The following SENP7 variants were observed in gnomAD, a reference collection of about 807,000 sequenced individuals.
SENP7 encodes the protein sentrin-specific protease 7.
A neutral mutation model predicts 141.2 loss-of-function variants in SENP7; 64 were observed. That is an observed-to-expected ratio of 0.45 (90% CI 0.37 to 0.56). The LOEUF is 0.56. Among genes scored for constraint, SENP7 ranks in the 20% least tolerant of loss-of-function variants. SENP7 has a pLI of 0.00. For synonymous variants in SENP7, 382 were observed against 426.4 expected (o/e 0.90, Z 1.28); for missense variants, 1,025 against 1,212.2 (o/e 0.85, Z 2.29).
chr3:101,412,086 T>C (rs1307441004), intron 5 of SENP7, among the ~76,000 whole-genome samples: 2 of 152,152 alleles, frequency 1.3e-5, no homozygotes, highest in East Asian at 3.8e-4. Flanking sequence ...TCTGAGGAAC[T>C]AGAAAGAGCT....
intron 3 of SENP7, among the ~76,000 whole-genome samples, chr3:101,485,138 T>TG (rs2064673734): frequency 6.6e-6 from 1 of 151,934 alleles, no homozygotes; most frequent in East Asian, 1.9e-4. Context: ...CAGACACGCC[T>TG]AGCCCCACCT....
Position 101,513,173 on chromosome 3 carries a change from C to T in SENP7, c.-43G>A. Reference sequence around the variant, plus strand: ...ATTTCAGTTGCAGGCGCTGTCACCTCAGGACCCCTCCGGCTTGGAGAGGGA... The same window carrying T: ...ATTTCAGTTGCAGGCGCTGTCACCTTAGGACCCCTCCGGCTTGGAGAGGGA... On this transcript the variant is annotated 5_prime_UTR_variant, in exon 1 of 24. Transcript: ENST00000394095. 6.5e-7 allele frequency: 1 copy of T among 1,533,248 alleles called. No individual in the cohort carries two copies. The highest frequency in any genetic ancestry group is 8.9e-7 in the Non-Finnish European group (1 of 1,119,722). 95.0% of individuals were successfully genotyped at this position (1,533,248 alleles called of 1,614,324 possible). A position where few individuals can be genotyped will look rare whatever the true frequency, so the allele number is the denominator to read the frequency against.
intron 11 of SENP7, among the ~76,000 whole-genome samples, chr3:101,352,851 T>A (rs779265833): frequency 2.0e-5 from 3 of 151,968 alleles, no homozygotes; most frequent in Non-Finnish European, 4.4e-5. Flanking sequence ...TTATTTCATC[T>A]TGTACTTTCA....
At chr3:101,502,293 GT>G (rs2065414674) in intron 1 of SENP7, among the ~76,000 whole-genome samples, 1 of 152,096 alleles carries the variant, frequency 6.6e-6, no homozygotes, top group Non-Finnish European at 1.5e-5. Flanking sequence ...GGATTAGCAT[GT>G]TTTTTTGTTT....
chr3:101,348,807 A>G (rs1025094845), intron 12 of SENP7, among the ~76,000 whole-genome samples: 3 of 152,186 alleles, frequency 2.0e-5, no homozygotes, highest in Non-Finnish European at 4.4e-5. Context: ...ATTAAAAAAA[A>G]AAAAACTGAT....
intron 17 of SENP7, among the ~76,000 whole-genome samples, chr3:101,335,542 T>A (rs753742661): frequency 5.9e-5 from 9 of 152,128 alleles, no homozygotes; most frequent in Non-Finnish European, 1.0e-4. Flanking sequence ...ATCTTATGCA[T>A]CTTACCCTAG....
rs1264917499 is a variant in SENP7, at chr3:101,459,016, C to G, written c.223G>C (p.Asp75His). 1 of 1,605,842 alleles carries G rather than the reference C, an allele frequency of 6.2e-7. No individual in the cohort carries two copies. Among genetic ancestry groups the G allele is most frequent in the African/African-American group, 1.3e-5 (1 of 74,414 alleles). The change falls in exon 4 of 24, where the codon GAC becomes CAC. Residue 75 changes from aspartate to histidine, a missense_variant. Transcript: ENST00000394095. ...RSLRNKVISLDHKNKKHIRGC... is the reference protein window; with the variant it reads ...RSLRNKVISLHHKNKKHIRGC... ...CGGATATGTTTTTTATTTTTATGGT[C>G]TAGAGAGATGACTTTATTCCTTAGG...
At chr3:101,390,573 C>T (rs763094652) in intron 6 of SENP7, among the ~76,000 whole-genome samples, 2 of 152,030 alleles carry the variant, frequency 1.3e-5, no homozygotes, top group African/African-American at 2.4e-5. Context: ...TATACATGCA[C>T]TTAATATTAG....
chr3:101,503,212 C>T lies in SENP7; in HGVS notation c.41-2093G>A, dbSNP rs565249427. ...GCAAAATTTAAATGGCAATGAAAAC[C>T]ATTAAACAGCCTTTAGAATGGGTAA... On this transcript the variant is annotated intron_variant, in intron 1 of 23. Transcript: ENST00000394095. Among the ~76,000 whole-genome samples the T allele has an allele frequency of 2.0e-5, 3 of 152,180 alleles. No individual in the cohort carries two copies. In the South Asian group the frequency reaches 6.2e-4, roughly 32 times the overall value.
At chr3:101,506,502 C>T (rs749431845) in intron 1 of SENP7, among the ~76,000 whole-genome samples, 4 of 152,040 alleles carry the variant, frequency 2.6e-5, no homozygotes, top group Non-Finnish European at 5.9e-5. Flanking sequence ...GATCCATCAC[C>T]GGTCATATTC....
chr3:101,400,949 C>A (rs975668066), intron 5 of SENP7, among the ~76,000 whole-genome samples: 2 of 151,872 alleles, frequency 1.3e-5, no homozygotes, highest in South Asian at 2.1e-4. Context: ...AATTAACGAG[C>A]CATCCAGCCA....
chr3:101,444,814 G>C (rs1437077854), intron 4 of SENP7, among the ~76,000 whole-genome samples: 1 of 151,670 alleles, frequency 6.6e-6, no homozygotes, highest in Non-Finnish European at 1.5e-5. Flanking sequence ...AGTGGGTGCA[G>C]CGCACCAGCA....
chr3:101,373,421 A>G (rs1302079445), intron 6 of SENP7, among the ~76,000 whole-genome samples: 1 of 152,156 alleles, frequency 6.6e-6, no homozygotes, highest in African/African-American at 2.4e-5. Context: ...CCCTGAAAGA[A>G]TTATCACTAC....
intron 10 of SENP7, among the ~76,000 whole-genome samples, chr3:101,362,835 A>C (rs1053654256): frequency 2.6e-5 from 4 of 152,208 alleles, no homozygotes; most frequent in African/African-American, 4.8e-5. Context: ...CACTCAAGTG[A>C]CTATATAACT....
chr3:101,361,960 G>A, intron 10 of SENP7, 99 bp from the exon 11 acceptor site: 2 of 1,312,798 alleles, frequency 1.5e-6, no homozygotes, highest in Non-Finnish European at 2.0e-6. Flanking sequence ...ATTACTATTA[G>A]TGAATTTTTG....
chr3:101,388,522 A>G (rs1201748781), intron 6 of SENP7, among the ~76,000 whole-genome samples: 3 of 152,256 alleles, frequency 2.0e-5, no homozygotes, highest in Non-Finnish European at 4.4e-5. Context: ...GCTAATACAT[A>G]AAATTGGAAG....
At chr3:101,504,282 C>T (rs1278436407) in intron 1 of SENP7, among the ~76,000 whole-genome samples, 2 of 143,440 alleles carry the variant, frequency 1.4e-5, no homozygotes, top group Non-Finnish European at 3.0e-5. Flanking sequence ...GGAAACCCGT[C>T]TCTATTAAAA....
chr3:101,420,618 G>A (rs923270086), intron 4 of SENP7, among the ~76,000 whole-genome samples: 15 of 152,148 alleles, frequency 9.9e-5, no homozygotes, highest in Non-Finnish European at 1.9e-4. Flanking sequence ...AGATCTGGCA[G>A]GCACCATCTT....
chr3:101,372,813 A>G (rs1341760015), intron 6 of SENP7, among the ~76,000 whole-genome samples: 6 of 152,060 alleles, frequency 3.9e-5, no homozygotes, highest in African/African-American at 1.4e-4. Context: ...TATAAAATAA[A>G]TAAGTTTTCA....
Sources: allele counts gnomAD v4.1 joint callset (sites outside exome capture counted in the v4.1 genomes callset), GRCh38; gene constraint gnomAD v4.1.1; transcripts MANE v1.5; gene names NCBI Gene and HGNC (gene_info 2026-07-23, HGNC 2026-07-21).